The following GALNT18 variants were observed in gnomAD, a reference collection of about 807,000 sequenced individuals.
The protein encoded by GALNT18 is polypeptide N-acetylgalactosaminyltransferase 18.
A neutral mutation model predicts 69.5 loss-of-function variants in GALNT18; 44 were observed. That is an observed-to-expected ratio of 0.63 (90% CI 0.50 to 0.81). The LOEUF is 0.81. Among genes scored for constraint, GALNT18 ranks in the 40% least tolerant of loss-of-function variants. The probability of loss-of-function intolerance (pLI) is 0.00; values close to 1 mark genes in which losing one functional copy is unlikely to be tolerated. For synonymous variants in GALNT18, 364 were observed against 318.2 expected (o/e 1.14, Z -1.53); for missense variants, 715 against 810.0 (o/e 0.88, Z 1.42).
chr11:11,571,627 GCC>G (rs1480912610), intron 1 of GALNT18, among the ~76,000 whole-genome samples: 1 of 152,144 alleles, frequency 6.6e-6, no homozygotes, highest in African/African-American at 2.4e-5. Flanking sequence ...GCTGGCTTTG[GCC>G]ACCTCTTGTC....
intron 9 of GALNT18, among the ~76,000 whole-genome samples, chr11:11,295,510 A>G (rs1312906608): frequency 6.6e-6 from 1 of 151,992 alleles, no homozygotes; most frequent in East Asian, 1.9e-4. Flanking sequence ...GTGATGCTGA[A>G]TAAACACCCC....
At chr11:11,504,582 C>T (rs1284853301) in intron 1 of GALNT18, among the ~76,000 whole-genome samples, 1 of 151,952 alleles carries the variant, frequency 6.6e-6, no homozygotes, top group Non-Finnish European at 1.5e-5. Flanking sequence ...CATGGCAAAA[C>T]CCCATTTCTA....
intron 3 of GALNT18, among the ~76,000 whole-genome samples, chr11:11,385,660 A>G (rs1854039318): frequency 6.6e-6 from 1 of 152,130 alleles, no homozygotes; most frequent in Non-Finnish European, 1.5e-5. Context: ...GCAGAGAGGG[A>G]GAGTAAGCAG....
Position 11,383,907 on chromosome 11 carries a change from C to T in GALNT18, c.596-4643G>A, listed in dbSNP as rs1038001346. On this transcript the variant is annotated intron_variant, in intron 3 of 10. Transcript: ENST00000227756. This position sits in a 1 kb window ranked among gnomAD's most constrained non-coding sequence, Gnocchi z 5.2. ...TGACTGTTTCTCCTTCACCTTCTGC[C>T]ATAATTGTAAGTTTCCTGAGGCCTC... Among the ~76,000 whole-genome samples, 1 of 152,006 alleles carries T rather than the reference C, an allele frequency of 6.6e-6. No homozygotes were observed. Among genetic ancestry groups the T allele is most frequent in the Non-Finnish European group, 1.5e-5 (1 of 68,016 alleles).
In GALNT18 at chr11:11,356,534, A is replaced by G. The variant is rs978036798; in HGVS notation, c.1093-15530T>C. Among the ~76,000 whole-genome samples, 2 of 152,196 alleles carry G rather than the reference A, an allele frequency of 1.3e-5. No individual in the cohort carries two copies. Reference sequence around the variant, plus strand: ...AATTCAGGAAATTAAACATTGATACATGACTATTATCAAATCCCCAGTCTA... The same window carrying G: ...AATTCAGGAAATTAAACATTGATACGTGACTATTATCAAATCCCCAGTCTA... On this transcript the variant is annotated intron_variant, in intron 6 of 10. Coordinates refer to ENST00000227756, the MANE Select transcript of GALNT18 (RefSeq NM_198516.3). The surrounding 1 kb of genome is among the most constrained non-coding windows in gnomAD (Gnocchi z 4.4).
chr11:11,308,842 C>T (rs1564889762), intron 9 of GALNT18, among the ~76,000 whole-genome samples: 1 of 152,206 alleles, frequency 6.6e-6, no homozygotes, highest in Non-Finnish European at 1.5e-5. Context: ...GCAGCATTCA[C>T]GTTGCACTGT....
At position 11,332,332 on chromosome 11, in the gene GALNT18, G is replaced by A. The variant is rs184548602; in HGVS notation, c.1416+362C>T. Among the ~76,000 whole-genome samples, 101 of 152,294 alleles carry A rather than the reference G, an allele frequency of 6.6e-4. 2 individuals carry two copies. Among genetic ancestry groups the A allele is most frequent in the African/African-American group, 2.3e-3 (95 of 41,542 alleles). On this transcript the variant is annotated intron_variant, in intron 8 of 10. Transcript: ENST00000227756. This position sits in a 1 kb window ranked among gnomAD's most constrained non-coding sequence, Gnocchi z 4.3. ...GCTCCTTGGTCAGGGAGGCACACAG[G>A]GTGACTCATAGACCCTCAGGCACCC...
chr11:11,551,969 T>C, intron 1 of GALNT18, among the ~76,000 whole-genome samples: 1 of 152,168 alleles, frequency 6.6e-6, no homozygotes, highest in East Asian at 1.9e-4. Context: ...CAGTTAAGGG[T>C]TGGGCAGAAA....
Position 11,538,310 on chromosome 11 carries a change from C to T in GALNT18, c.235+83049G>A, listed in dbSNP as rs968483007. 5.9e-5 allele frequency among the ~76,000 whole-genome samples: 9 copies of T among 152,222 alleles called. No homozygotes were observed. The highest frequency in any genetic ancestry group is 2.2e-4 in the African/African-American group (9 of 41,456). ...GGCTATGATGGGGCTGGGAAGGCCA[C>T]TCACTAAGGCCAGGGTGTCCTTTAC... On this transcript the variant is annotated intron_variant, in intron 1 of 10. Transcript: ENST00000227756. The surrounding 1 kb of genome is among the most constrained non-coding windows in gnomAD (Gnocchi z 5.2).
intron 10 of GALNT18, among the ~76,000 whole-genome samples, chr11:11,288,027 T>C (rs1174622543): frequency 6.6e-6 from 1 of 152,134 alleles, no homozygotes; most frequent in Non-Finnish European, 1.5e-5. Context: ...ATGAAACAGT[T>C]TCCTCCTTAA....
In GALNT18 at chr11:11,408,822, T is replaced by C. The variant is rs550935567; in HGVS notation, c.595+23799A>G. Among the ~76,000 whole-genome samples, 6 of 152,260 alleles carry C rather than the reference T, an allele frequency of 3.9e-5. No homozygotes were observed. In the East Asian group the frequency reaches 7.7e-4, roughly 20 times the overall value. Reference sequence around the variant, plus strand: ...CTTGAAGACACAGGATGAGTATATATGGCACAGGGCCAGGGTCAGAGCAGT... The same window carrying C: ...CTTGAAGACACAGGATGAGTATATACGGCACAGGGCCAGGGTCAGAGCAGT... On this transcript the variant is annotated intron_variant, in intron 3 of 10. Coordinates refer to ENST00000227756, the MANE Select transcript of GALNT18 (RefSeq NM_198516.3).
chr11:11,496,796 G>T lies in GALNT18; in HGVS notation c.236-47860C>A, dbSNP rs901246812. 6.6e-6 allele frequency among the ~76,000 whole-genome samples: 1 copy of T among 152,028 alleles called. No homozygotes were observed. Among genetic ancestry groups the T allele is most frequent in the Non-Finnish European group, 1.5e-5 (1 of 67,998 alleles). On this transcript the variant is annotated intron_variant, in intron 1 of 10. Coordinates refer to ENST00000227756, the MANE Select transcript of GALNT18 (RefSeq NM_198516.3). This position sits in a 1 kb window ranked among gnomAD's most constrained non-coding sequence, Gnocchi z 4.0. ...TGGTCTGAACCCCCTCCATTTCTGGGTCTCTCCAATGGCCTCCCACCTAAT... is the reference window on the plus strand; with the variant it reads ...TGGTCTGAACCCCCTCCATTTCTGGTTCTCTCCAATGGCCTCCCACCTAAT...
At position 11,448,905 on chromosome 11, in the gene GALNT18, G is replaced by A. The variant is rs147940782; in HGVS notation, c.267C>T (p.Ala89=). Residue 89 remains alanine (A), a synonymous_variant, in exon 2 of 11, where the codon GCC becomes GCT. Transcript: ENST00000227756. The stretch of plus-strand genomic sequence containing the variant: ...ACAGAGAGGAGTCTGTGAAGGGCTC[G>A]GCCTCTGCCTCCTCAGGCTTGGCAG... ...EAPAKPEEAE[A]EPFTDSSLFA... is the part of the protein sequence containing the mutation. 67 of 1,599,922 alleles carry A rather than the reference G, an allele frequency of 4.2e-5. No homozygotes were observed. The highest frequency in any genetic ancestry group is 2.9e-4 in the East Asian group (13 of 44,368).
chr11:11,611,915 C>T (rs1293485821), intron 1 of GALNT18, among the ~76,000 whole-genome samples: 1 of 152,200 alleles, frequency 6.6e-6, no homozygotes, highest in East Asian at 1.9e-4. Context: ...CCCACCCTAC[C>T]CTCCAGGTTC....
chr11:11,379,242 G>A lies in GALNT18; in HGVS notation c.618C>T (p.Thr206=), dbSNP rs530476257. 160 of 1,612,764 alleles carry A rather than the reference G, an allele frequency of 9.9e-5. No individual in the cohort carries two copies. The highest frequency in any genetic ancestry group is 3.9e-4 in the South Asian group (35 of 90,846). ...SSNEELKEKL[T]EYVDKVNSQK... ...GGCTGTTCACCTTGTCCACATATTCGGTCAGCTTCTCCTTCAGTTCCTCTG... is the reference window on the plus strand; with the variant it reads ...GGCTGTTCACCTTGTCCACATATTCAGTCAGCTTCTCCTTCAGTTCCTCTG... Residue 206 remains threonine (T), a synonymous_variant, in exon 4 of 11, where the codon ACC becomes ACT. Transcript: ENST00000227756.
At position 11,621,299 on chromosome 11, in the gene GALNT18, C is replaced by G; in HGVS notation, c.235+60G>C. The G allele has an allele frequency of 6.9e-7, 1 of 1,448,460 alleles. No homozygotes were observed. Among genetic ancestry groups the G allele is most frequent in the Non-Finnish European group, 9.5e-7 (1 of 1,048,242 alleles). 89.7% of individuals were successfully genotyped at this position (1,448,460 alleles called of 1,614,324 possible). A position where few individuals can be genotyped will look rare whatever the true frequency, so the allele number is the denominator to read the frequency against. ...GATGCGCACCAGCCCCAGCGCACCCCGCGCCGCGCGGGGCACTCCCGGGCC... is the reference window on the plus strand; with the variant it reads ...GATGCGCACCAGCCCCAGCGCACCCGGCGCCGCGCGGGGCACTCCCGGGCC... On this transcript the variant is annotated intron_variant, in intron 1 of 10. Transcript: ENST00000227756. This position sits in a 1 kb window ranked among gnomAD's most constrained non-coding sequence, Gnocchi z 9.3.
rs969725574 is a variant in GALNT18 at position 11,436,318 on chromosome 11, C to T, written c.429-3531G>A. ...ACAAGATTGAGGCTCTTCTATCTTA[C>T]GTTTTCCAACTTCCCCTCCCTCCCA... is the stretch of plus-strand genomic sequence containing the variant. On this transcript the variant is annotated intron_variant, in intron 2 of 10. Transcript: ENST00000227756. This position sits in a 1 kb window ranked among gnomAD's most constrained non-coding sequence, Gnocchi z 4.5. 6.6e-6 allele frequency among the ~76,000 whole-genome samples: 1 copy of T among 152,186 alleles called. No homozygotes were observed. The highest frequency in any genetic ancestry group is 1.5e-5 in the Non-Finnish European group (1 of 68,030).
chr11:11,283,944 G>A (rs1231835629), intron 10 of GALNT18, among the ~76,000 whole-genome samples: 2 of 152,138 alleles, frequency 1.3e-5, no homozygotes, highest in African/African-American at 2.4e-5. Flanking sequence ...CCTTCTCCAA[G>A]CCTAATTCCT....
At chr11:11,316,983 T>G (rs924603390) in intron 9 of GALNT18, among the ~76,000 whole-genome samples, 2 of 152,226 alleles carry the variant, frequency 1.3e-5, no homozygotes, top group Admixed American at 1.3e-4. Context: ...AGTGATTGAT[T>G]GAATAAAGAC....
Sources: gnomAD v4.1 joint callset for allele counts (sites outside exome capture counted in the v4.1 genomes callset) on GRCh38, gnomAD v4.1.1 for gene constraint, Gnocchi (gnomAD v3.1) non-coding constraint, MANE v1.5 for transcripts, NCBI Gene and HGNC (gene_info 2026-07-23, HGNC 2026-07-21) for gene names.